The following GLRA3 variants were observed in gnomAD, a reference collection of about 807,000 sequenced individuals.
GLRA3 encodes the protein glycine receptor alpha 3, also known as glycine receptor subunit alpha-3.
GLRA3 carries 44 observed loss-of-function variants against 60.4 expected under a neutral mutation model. The ratio of observed to expected loss-of-function variants is 0.73; its 90% CI spans 0.57 to 0.94. GLRA3 has a LOEUF of 0.94. Among genes scored for constraint, GLRA3 ranks in the 40% least tolerant of loss-of-function variants. The pLI is 0.00. For synonymous variants in GLRA3, 223 were observed against 192.9 expected (o/e 1.16, Z -1.29); for missense variants, 508 against 564.6 (o/e 0.90, Z 1.02).
intron 5 of GLRA3, among the ~76,000 whole-genome samples, chr4:174,701,075 C>A (rs999221990): frequency 6.6e-6 from 1 of 152,172 alleles, no homozygotes; most frequent in Admixed American, 6.5e-5. Context: ...ATGAAACAAT[C>A]TTCTATTGGA....
At chr4:174,650,596 C>T (rs4695947) in intron 9 of GLRA3, among the ~76,000 whole-genome samples, 78,200 of 152,032 alleles carry the variant, frequency 0.51, 21,652 homozygotes, top group African/African-American at 0.73. Context: ...GGCATCAGTC[C>T]ATATCTAGGC....
chr4:174,740,547 A>G (rs1172194017), intron 3 of GLRA3, among the ~76,000 whole-genome samples: 1 of 152,208 alleles, frequency 6.6e-6, no homozygotes, highest in East Asian at 1.9e-4. Context: ...ATCCCTGCCT[A>G]TATTCCTGAT....
At chr4:174,760,861 T>C (rs537693225) in intron 3 of GLRA3, among the ~76,000 whole-genome samples, 1 of 152,178 alleles carries the variant, frequency 6.6e-6, no homozygotes, top group East Asian at 1.9e-4. Flanking sequence ...AAATATATTA[T>C]GAAATACTGA....
chr4:174,677,006 G>A, intron 7 of GLRA3, 72 bp downstream of exon 7: 1 of 920,326 alleles, frequency 1.1e-6, no homozygotes. Flanking sequence ...TCTGACCAAA[G>A]CTGACAATGA....
intron 5 of GLRA3, among the ~76,000 whole-genome samples, chr4:174,706,021 G>A (rs1162932238): frequency 6.6e-6 from 1 of 151,920 alleles, no homozygotes; most frequent in Non-Finnish European, 1.5e-5. Flanking sequence ...ACAAGGTCAG[G>A]AATCCAGACC....
chr4:174,656,887 C>T (rs528773974), intron 8 of GLRA3, 100 bp from the exon 9 acceptor site: 2 of 703,722 alleles, frequency 2.8e-6, no homozygotes, highest in Non-Finnish European at 2.6e-6. Flanking sequence ...TTGTATATAC[C>T]ATTTGAACAG....
chr4:174,787,225 T>A (rs1056155209), intron 2 of GLRA3, among the ~76,000 whole-genome samples: 23 of 152,166 alleles, frequency 1.5e-4, no homozygotes, highest in African/African-American at 5.5e-4. Flanking sequence ...ATATGCTTTT[T>A]AAATATTCAC....
At chr4:174,648,119 G>A (rs1277148035) in intron 9 of GLRA3, among the ~76,000 whole-genome samples, 1 of 152,200 alleles carries the variant, frequency 6.6e-6, no homozygotes, top group South Asian at 2.1e-4. Flanking sequence ...ACTGGCAGGT[G>A]TAATGTCAAT....
At chr4:174,726,620 G>T (rs140869696) in intron 4 of GLRA3, among the ~76,000 whole-genome samples, 1 of 152,142 alleles carries the variant, frequency 6.6e-6, no homozygotes, top group Non-Finnish European at 1.5e-5. Flanking sequence ...TAGGATGTAC[G>T]AAGCAAAAGG....
intron 4 of GLRA3, among the ~76,000 whole-genome samples, chr4:174,724,412 CAGA>C (rs1207520949): frequency 6.6e-6 from 1 of 152,076 alleles, no homozygotes; most frequent in East Asian, 1.9e-4. Context: ...CATGTGACCA[CAGA>C]AGGGCTATTA....
chr4:174,719,402 A>T (rs916776294), intron 4 of GLRA3, among the ~76,000 whole-genome samples: 26 of 152,332 alleles, frequency 1.7e-4, no homozygotes, highest in African/African-American at 6.3e-4. Context: ...TGCACATATC[A>T]GTTATTTATA....
At chr4:174,685,865 C>T (rs1452964761) in intron 5 of GLRA3, among the ~76,000 whole-genome samples, 3 of 152,080 alleles carry the variant, frequency 2.0e-5, no homozygotes, top group Admixed American at 6.6e-5. Flanking sequence ...GAGATTGTGT[C>T]CCAATTTAGA....
chr4:174,751,840 G>C (rs1393062750), intron 3 of GLRA3, among the ~76,000 whole-genome samples: 3 of 151,956 alleles, frequency 2.0e-5, no homozygotes, highest in African/African-American at 7.2e-5. Context: ...GTATAATTCA[G>C]AGATATGTAC....
intron 3 of GLRA3, among the ~76,000 whole-genome samples, chr4:174,744,089 T>A (rs1737132757): frequency 6.6e-6 from 1 of 152,200 alleles, no homozygotes; most frequent in Non-Finnish European, 1.5e-5. Context: ...CTCTGTATGG[T>A]GCTGTGGTGC....
chr4:174,679,125 A>T (rs1296786814), intron 6 of GLRA3, among the ~76,000 whole-genome samples: 3 of 152,054 alleles, frequency 2.0e-5, no homozygotes, highest in Non-Finnish European at 4.4e-5. Flanking sequence ...AGGTCAGGAG[A>T]TGGAGACCAA....
intron 2 of GLRA3, among the ~76,000 whole-genome samples, chr4:174,771,299 A>G (rs1738376979): frequency 2.0e-5 from 3 of 152,272 alleles, no homozygotes; most frequent in Non-Finnish European, 2.9e-5. Context: ...TACAACTGTC[A>G]GAAGATAATT....
At chr4:174,704,564 G>A (rs938583527) in intron 5 of GLRA3, among the ~76,000 whole-genome samples, 3 of 143,240 alleles carry the variant, frequency 2.1e-5, no homozygotes, top group Non-Finnish European at 4.6e-5. Context: ...AAAAATGAAT[G>A]ACCATATTAT....
intron 1 of GLRA3, among the ~76,000 whole-genome samples, chr4:174,798,794 A>AGCAG (rs1739681977): frequency 1.3e-5 from 2 of 152,062 alleles, no homozygotes; most frequent in Non-Finnish European, 2.9e-5. Context: ...TGTGGTGGTG[A>AGCAG]GCGCCTGTAG....
At chr4:174,644,105 T>G (rs1427383849) in intron 9 of GLRA3, 41 bp from the exon 10 acceptor site, 3 of 1,136,434 alleles carry the variant, frequency 2.6e-6, no homozygotes, top group Non-Finnish European at 2.6e-6. Flanking sequence ...AATAATACAA[T>G]AGAGCATGTA....
Sources: allele counts gnomAD v4.1 joint callset (sites outside exome capture counted in the v4.1 genomes callset), GRCh38; gene constraint gnomAD v4.1.1; transcripts MANE v1.5; gene names NCBI Gene and HGNC (gene_info 2026-07-23, HGNC 2026-07-21).